ADAMTSL3: variants seen among roughly 807,000 people sequenced by gnomAD.
The protein encoded by ADAMTSL3 is ADAMTS-like protein 3.
A neutral mutation model predicts 201.7 loss-of-function variants in ADAMTSL3; 128 were observed. That is an observed-to-expected ratio of 0.63 (90% confidence interval 0.55 to 0.73). The LOEUF (loss-of-function observed/expected upper bound fraction) is 0.73. Ranked by LOEUF, ADAMTSL3 falls within the 30% of genes least tolerant of loss-of-function variation. The pLI is 0.00. For synonymous variants in ADAMTSL3, 738 were observed against 748.4 expected (o/e 0.99, Z 0.23); for missense variants, 1,990 against 2,119.6 (o/e 0.94, Z 1.20).
chr15:83,785,246 C>A (rs559040263), intron 4 of ADAMTSL3, among the ~76,000 whole-genome samples: 33 of 152,274 alleles, frequency 2.2e-4, no homozygotes, highest in Non-Finnish European at 4.4e-4. Flanking sequence ...TGTCCATGGA[C>A]CACACTTCAA....
At chr15:83,785,481 A>C (rs546848163) in intron 4 of ADAMTSL3, among the ~76,000 whole-genome samples, 2 of 152,300 alleles carry the variant, frequency 1.3e-5, no homozygotes, top group African/African-American at 4.8e-5. Context: ...CTCCCAGGCC[A>C]GCTGGTTTTT....
chr15:83,856,127 T>C (rs74199046), intron 7 of ADAMTSL3, among the ~76,000 whole-genome samples: 7,100 of 151,822 alleles, frequency 0.047, 227 homozygotes, highest in East Asian at 0.2. Flanking sequence ...CTCCTTAAAA[T>C]GACTGATGCT....
intron 13 of ADAMTSL3, among the ~76,000 whole-genome samples, chr15:83,895,323 T>C (rs2065589985): frequency 6.6e-6 from 1 of 152,190 alleles, no homozygotes; most frequent in African/African-American, 2.4e-5. Context: ...CCAATCAACA[T>C]TATTTCTACA....
At chr15:83,784,541 T>G (rs1465751347) in intron 4 of ADAMTSL3, among the ~76,000 whole-genome samples, 3 of 152,164 alleles carry the variant, frequency 2.0e-5, no homozygotes, top group African/African-American at 7.2e-5. Context: ...AATGGGAATT[T>G]GTAAGGGGGA....
chr15:83,731,351 A>G (rs1217091594), intron 3 of ADAMTSL3, among the ~76,000 whole-genome samples: 6 of 152,138 alleles, frequency 3.9e-5, no homozygotes, highest in Non-Finnish European at 7.4e-5. Context: ...AAAAACCACA[A>G]TGACAAAACA....
chr15:84,004,848 C>T (rs902811694), intron 23 of ADAMTSL3, among the ~76,000 whole-genome samples: 5 of 152,124 alleles, frequency 3.3e-5, no homozygotes, highest in African/African-American at 9.7e-5. Context: ...TCTGCAATGG[C>T]GAGAACAGCA....
At chr15:84,031,263 G>T in intron 27 of ADAMTSL3, 72 bp from the exon 28 acceptor site, 12 of 1,459,530 alleles carry the variant, frequency 8.2e-6, no homozygotes, top group Non-Finnish European at 1.1e-5. Flanking sequence ...TCCTGCCTCA[G>T]TACATGATCT....
chr15:83,915,779 A>C (rs2066023616), intron 16 of ADAMTSL3, among the ~76,000 whole-genome samples: 3 of 152,168 alleles, frequency 2.0e-5, no homozygotes, highest in Admixed American at 2.0e-4. Flanking sequence ...TCTTTCACTT[A>C]GCGTAGTGTT....
At chr15:83,948,411 T>TACACACACACACACAC (rs72124987) in intron 19 of ADAMTSL3, among the ~76,000 whole-genome samples, 231 of 145,730 alleles carry the variant, frequency 1.6e-3, no homozygotes, top group African/African-American at 4.3e-3. Flanking sequence ...AAAGCTTATT[T>TACACACACACACACAC]ACACACACAC....
At chr15:83,942,877 C>T (rs368480394) in intron 18 of ADAMTSL3, 26 bp from the exon 19 acceptor site, 256 of 1,607,122 alleles carry the variant, frequency 1.6e-4, no homozygotes, top group Admixed American at 2.7e-4. Flanking sequence ...CCAAGCCTGC[C>T]GCCTCACCCC....
intron 3 of ADAMTSL3, among the ~76,000 whole-genome samples, chr15:83,721,517 C>T (rs893209740): frequency 6.6e-6 from 1 of 152,082 alleles, no homozygotes; most frequent in African/African-American, 2.4e-5. Context: ...TCTGAGAGCC[C>T]CTTGTTTAAC....
chr15:83,711,998 C>A (rs929907353), intron 3 of ADAMTSL3, among the ~76,000 whole-genome samples: 6 of 152,166 alleles, frequency 3.9e-5, no homozygotes, highest in Non-Finnish European at 8.8e-5. Context: ...CCCTTAAGAA[C>A]ACTGAGAGAT....
chr15:83,713,368 G>A (rs755172335), intron 3 of ADAMTSL3, among the ~76,000 whole-genome samples: 1 of 152,150 alleles, frequency 6.6e-6, no homozygotes, highest in Admixed American at 6.5e-5. Flanking sequence ...CCAGATTTCT[G>A]TTCTGTTGTG....
intron 4 of ADAMTSL3, among the ~76,000 whole-genome samples, chr15:83,778,403 AT>A (rs1284417585): frequency 6.6e-6 from 1 of 152,236 alleles, no homozygotes; most frequent in African/African-American, 2.4e-5. Flanking sequence ...AGGGAAGTCC[AT>A]TGACTAACAG....
intron 17 of ADAMTSL3, among the ~76,000 whole-genome samples, chr15:83,941,533 C>T (rs2142033150): frequency 6.6e-6 from 1 of 152,162 alleles, no homozygotes; most frequent in Middle Eastern, 3.4e-3. Flanking sequence ...TTATACTCTA[C>T]AAATTATTTT....
chr15:83,666,557 G>C (rs1269478828), intron 2 of ADAMTSL3, among the ~76,000 whole-genome samples: 2 of 152,074 alleles, frequency 1.3e-5, no homozygotes, highest in Non-Finnish European at 2.9e-5. Flanking sequence ...GGAATAACAG[G>C]ACTGGGCACA....
Position 83,777,670 on chromosome 15 carries a change from A to C in ADAMTSL3, c.317+4020A>C, listed in dbSNP as rs552713713. 2.6e-5 allele frequency among the ~76,000 whole-genome samples: 4 copies of C among 152,330 alleles called. No individual in the cohort carries two copies. The East Asian group carries it at 7.7e-4, about 29-fold the overall frequency. On this transcript the variant is annotated intron_variant, in intron 4 of 29. Coordinates refer to ENST00000286744, the MANE Select transcript of ADAMTSL3 (RefSeq NM_207517.3). ...GGAAGATAAGCCCACAAAGATGAGA[A>C]AGAATCAGCACAAGAACCCTAACAA...
intron 19 of ADAMTSL3, among the ~76,000 whole-genome samples, chr15:83,945,058 T>G (rs1186266778): frequency 6.6e-6 from 1 of 152,162 alleles, no homozygotes; most frequent in Non-Finnish European, 1.5e-5. Flanking sequence ...TTATCCTCAA[T>G]CAAGGCCACT....
chr15:83,776,503 A>G (rs993090023), intron 4 of ADAMTSL3, among the ~76,000 whole-genome samples: 1 of 152,216 alleles, frequency 6.6e-6, no homozygotes, highest in Non-Finnish European at 1.5e-5. Flanking sequence ...GGATCACCTG[A>G]GATCAGGAGT....
Sources: allele counts gnomAD v4.1 joint callset (sites outside exome capture counted in the v4.1 genomes callset), GRCh38; gene constraint gnomAD v4.1.1; transcripts MANE v1.5; gene names NCBI Gene and HGNC (gene_info 2026-07-23, HGNC 2026-07-21).